EPHA6: variants seen among roughly 807,000 people sequenced by gnomAD.
EPHA6 encodes ephrin type-A receptor 6.
A neutral mutation model predicts 112.0 loss-of-function variants in EPHA6; 50 were observed. That is an observed-to-expected ratio of 0.45 (90% CI 0.36 to 0.56). The LOEUF is 0.56. EPHA6 is among the 20% of genes least tolerant of loss of function. The pLI is 0.00. For missense variants in EPHA6, 1,280 were observed against 1,417.4 expected, an observed-to-expected ratio of 0.90 and a Z score of 1.56; for synonymous variants, 529 against 490.7, an observed-to-expected ratio of 1.08 and a Z score of -1.03.
At chr3:97,589,713 A>G (rs1006015627) in intron 11 of EPHA6, among the ~76,000 whole-genome samples, 2 of 152,184 alleles carry the variant, frequency 1.3e-5, no homozygotes, top group Non-Finnish European at 2.9e-5. Flanking sequence ...TGTATGTGAA[A>G]TGACACATTT....
intron 3 of EPHA6, among the ~76,000 whole-genome samples, chr3:97,042,745 C>G (rs2045361333): frequency 6.6e-6 from 1 of 152,088 alleles, no homozygotes; most frequent in African/African-American, 2.4e-5. Flanking sequence ...TCTCACTAGG[C>G]TATGAGTAGA....
chr3:96,996,265 C>T (rs552290935), intron 3 of EPHA6, among the ~76,000 whole-genome samples: 2 of 152,162 alleles, frequency 1.3e-5, no homozygotes, highest in South Asian at 2.1e-4. Flanking sequence ...ACAACATCTG[C>T]AGTTATTTTC....
chr3:97,700,064 A>G (rs559192267), intron 14 of EPHA6, among the ~76,000 whole-genome samples: 20 of 152,354 alleles, frequency 1.3e-4, no homozygotes, highest in African/African-American at 4.8e-4. Context: ...ATACCACAAC[A>G]TATTACTGTG....
intron 3 of EPHA6, among the ~76,000 whole-genome samples, chr3:97,043,908 A>G (rs2108061940): frequency 6.6e-6 from 1 of 152,266 alleles, no homozygotes; most frequent in Non-Finnish European, 1.5e-5. Context: ...TGATGGCTGA[A>G]GGAATTTGTC....
intron 8 of EPHA6, among the ~76,000 whole-genome samples, chr3:97,478,053 T>C (rs1391501879): frequency 6.6e-6 from 1 of 152,108 alleles, no homozygotes; most frequent in Non-Finnish European, 1.5e-5. Flanking sequence ...CATATGTTTA[T>C]GGAGGGAGTA....
At chr3:96,903,013 T>C (rs2038703714) in intron 2 of EPHA6, among the ~76,000 whole-genome samples, 1 of 152,162 alleles carries the variant, frequency 6.6e-6, no homozygotes, top group African/African-American at 2.4e-5. Context: ...TGTAATATGA[T>C]GATAAGGACC....
chr3:97,745,980 G>A (rs1302477652), intron 16 of EPHA6, among the ~76,000 whole-genome samples: 1 of 151,780 alleles, frequency 6.6e-6, no homozygotes, highest in Non-Finnish European at 1.5e-5. Context: ...ACTTCACATG[G>A]TGTAATCATT....
At chr3:97,363,428 A>G (rs896003131) in intron 5 of EPHA6, among the ~76,000 whole-genome samples, 1 of 150,984 alleles carries the variant, frequency 6.6e-6, no homozygotes, top group Non-Finnish European at 1.5e-5. Flanking sequence ...TGGTTTACTT[A>G]TCTCATTATA....
intron 10 of EPHA6, among the ~76,000 whole-genome samples, chr3:97,506,187 T>C (rs891869404): frequency 6.6e-6 from 1 of 152,226 alleles, no homozygotes; most frequent in Non-Finnish European, 1.5e-5. Context: ...TTTAGTTTAA[T>C]TAGATCCCAT....
intron 3 of EPHA6, among the ~76,000 whole-genome samples, chr3:96,991,750 A>C (rs1407570867): frequency 6.6e-6 from 1 of 152,168 alleles, no homozygotes; most frequent in Non-Finnish European, 1.5e-5. Flanking sequence ...TCCAGATTCA[A>C]ATGAAGTTTC....
Position 96,987,441 on chromosome 3 carries a change from C to A in EPHA6, c.562C>A (p.Arg188Ser). The A allele has an allele frequency of 6.2e-7, 1 of 1,613,844 alleles. No homozygotes were observed. The highest frequency in any genetic ancestry group is 1.1e-5 in the South Asian group (1 of 91,080). The change falls in exon 3 of 18, where the codon CGT becomes AGT. Residue 188 changes from arginine to serine, a missense_variant. Physicochemically the swap from Arg to Ser is moderately radical, Grantham distance 110. Around this residue, in one of 4 missense-constraint regions of EPHA6, gnomAD observed 878 missense variants for 999.7 expected, o/e 0.88. Transcript: ENST00000389672. ...CTGGCTTCGTACAAACTGGATCTCC[C>A]GTGATGCAGCTCAGAAAATTTATGT... ...NNWLRTNWIS[R>S]DAAQKIYVEM...
chr3:97,700,142 A>T (rs999759344), intron 14 of EPHA6, among the ~76,000 whole-genome samples: 1 of 152,222 alleles, frequency 6.6e-6, no homozygotes, highest in Non-Finnish European at 1.5e-5. Flanking sequence ...AACCATGAAG[A>T]ACTTCTCCAA....
intron 11 of EPHA6, among the ~76,000 whole-genome samples, chr3:97,538,400 G>C (rs540483336): frequency 6.6e-6 from 1 of 152,252 alleles, no homozygotes; most frequent in East Asian, 1.9e-4. Flanking sequence ...AGAAATAACA[G>C]ATCTAGAGGG....
At chr3:97,092,098 A>T (rs13086194) in intron 3 of EPHA6, among the ~76,000 whole-genome samples, 121,476 of 147,548 alleles carry the variant, frequency 0.82, 49,881 homozygotes, top group African/African-American at 0.89. Context: ...TTTTTTTTTT[A>T]AAAAAAAAAA....
At chr3:96,933,551 G>T (rs1444391531) in intron 2 of EPHA6, among the ~76,000 whole-genome samples, 3 of 152,130 alleles carry the variant, frequency 2.0e-5, no homozygotes, top group African/African-American at 7.2e-5. Flanking sequence ...AATTCTACAA[G>T]TGAAATTAGT....
chr3:97,378,590 C>T (rs2085520521), intron 5 of EPHA6, among the ~76,000 whole-genome samples: 1 of 152,142 alleles, frequency 6.6e-6, no homozygotes, highest in African/African-American at 2.4e-5. Context: ...GGAGACTGTG[C>T]CCTTCAAAGC....
intron 10 of EPHA6, among the ~76,000 whole-genome samples, chr3:97,531,862 G>A (rs891292478): frequency 2.0e-5 from 3 of 152,032 alleles, no homozygotes; most frequent in Admixed American, 6.6e-5. Context: ...AGAGTTCAGT[G>A]TGGGTTTTTT....
intron 2 of EPHA6, among the ~76,000 whole-genome samples, chr3:96,936,970 T>A (rs1328062390): frequency 6.6e-6 from 1 of 152,224 alleles, no homozygotes; most frequent in African/African-American, 2.4e-5. Context: ...TAGTATTCCA[T>A]GGTGTATATG....
intron 13 of EPHA6, among the ~76,000 whole-genome samples, chr3:97,613,854 T>A (rs549508464): frequency 6.6e-6 from 1 of 152,216 alleles, no homozygotes; most frequent in Admixed American, 6.5e-5. Context: ...CACACTAATG[T>A]ATTTTCTCTA....
Sources: gnomAD v4.1 joint callset for allele counts (sites outside exome capture counted in the v4.1 genomes callset) on GRCh38, gnomAD v4.1.1 for gene constraint, gnomAD v4.1.1 regional missense constraint, MANE v1.5 for transcripts, NCBI Gene and HGNC (gene_info 2026-07-23, HGNC 2026-07-21) for gene names.